SGCG: variants seen among roughly 807,000 people sequenced by gnomAD.
The protein encoded by SGCG is gamma-sarcoglycan.
A neutral mutation model predicts 29.3 loss-of-function variants in SGCG; 26 were observed. The observed-to-expected ratio is 0.89, with a 90% CI of 0.65 to 1.23. The LOEUF (loss-of-function observed/expected upper bound fraction) is 1.23, where lower values mean the gene tolerates loss of function less well. Among genes scored for constraint, SGCG ranks in the 50% most tolerant of loss-of-function variants. SGCG has a pLI of 0.00. For missense variants in SGCG, 353 were observed against 356.0 expected (o/e 0.99, Z 0.07); for synonymous variants, 145 against 129.7 (o/e 1.12, Z -0.80).
intron 4 of SGCG, among the ~76,000 whole-genome samples, chr13:23,278,490 G>A (rs1308094043): frequency 6.6e-6 from 1 of 151,982 alleles, no homozygotes; most frequent in Non-Finnish European, 1.5e-5. Flanking sequence ...ACAAATTGGG[G>A]AACTCCTAAT....
intron 2 of SGCG, among the ~76,000 whole-genome samples, chr13:23,213,740 C>G (rs1878320772): frequency 6.7e-6 from 1 of 150,204 alleles, no homozygotes; most frequent in Non-Finnish European, 1.5e-5. Flanking sequence ...TTTTTAGTGA[C>G]TAGTGCTATA....
intron 2 of SGCG, among the ~76,000 whole-genome samples, chr13:23,231,202 A>C (rs531477783): frequency 6.6e-6 from 1 of 152,202 alleles, no homozygotes; most frequent in African/African-American, 2.4e-5. Flanking sequence ...ATTTTGTTGA[A>C]GATTTTTGCA....
chr13:23,172,459 G>A, the SGCG span, among the ~76,000 whole-genome samples: 1 of 151,910 alleles, frequency 6.6e-6, no homozygotes, highest in Non-Finnish European at 1.5e-5. Context: ...TAGTAATAAC[G>A]ATTTGTGCTG....
intron 3 of SGCG, chr13:23,244,612 T>C (rs1267457687): frequency 6.6e-6 from 1 of 152,174 alleles, no homozygotes. Flanking sequence ...GCACAAGCAC[T>C]GTAAACCCAT....
At chr13:23,181,945 A>T (rs1465401925) in intron 1 of SGCG, among the ~76,000 whole-genome samples, 1 of 152,220 alleles carries the variant, frequency 6.6e-6, no homozygotes, top group South Asian at 2.1e-4. Flanking sequence ...ACAAAAAGGC[A>T]CCTTTGTGGA....
rs553381485 is a variant in SGCG, at chr13:23,320,583, G to A, written c.579-54G>A. 2.1e-5 allele frequency: 30 copies of A among 1,453,048 alleles called. No individual in the cohort carries two copies. In the African/African-American group the frequency reaches 4.0e-4, roughly 19 times the overall value. The allele number at this position is 1,453,048 out of a possible 1,614,324, so 90.0% of individuals were successfully genotyped here. On this transcript the variant is annotated intron_variant, in intron 6 of 7. Coordinates refer to ENST00000218867, the MANE Select transcript of SGCG (RefSeq NM_000231.3). The stretch of plus-strand genomic sequence containing the variant: ...TGCTAAGTTGAGGGATTGCTGGAGT[G>A]GCTATTTTTAATACTTTTTTTTTTT...
chr13:23,218,955 T>A (rs1327497949), intron 2 of SGCG, among the ~76,000 whole-genome samples: 1 of 148,138 alleles, frequency 6.8e-6, no homozygotes, highest in African/African-American at 2.4e-5. Context: ...TTTTGGCTCA[T>A]AATTTTCCCA....
At chr13:23,177,640 C>T (rs774597864), upstream of SGCG, among the ~76,000 whole-genome samples, 2 of 131,996 alleles carry the variant, frequency 1.5e-5, no homozygotes, top group Non-Finnish European at 3.1e-5. Flanking sequence ...GGTGTGATCT[C>T]GGCTCACTGC....
At chr13:23,319,159 A>C (rs924526240) in intron 6 of SGCG, among the ~76,000 whole-genome samples, 2 of 152,108 alleles carry the variant, frequency 1.3e-5, no homozygotes, top group African/African-American at 4.8e-5. Flanking sequence ...TTAGCTGGAC[A>C]CGGTGGCGGG....
rs577449090 is a variant in SGCG, at chr13:23,283,161, C to T, written c.505+3683C>T. Among the ~76,000 whole-genome samples the T allele has an allele frequency of 3.4e-4, 51 of 152,204 alleles. 1 individual carries two copies. In the South Asian group the frequency reaches 9.1e-3, roughly 27 times the overall value. On this transcript the variant is annotated intron_variant, in intron 5 of 7. Coordinates refer to ENST00000218867, the MANE Select transcript of SGCG (RefSeq NM_000231.3). ...CTTGGTCCAGAGCTGAGTTCAAGTC[C>T]TGAATATCCTTGTTAATTTTCTGTC...
At chr13:23,226,435 A>G (rs553831198) in intron 2 of SGCG, among the ~76,000 whole-genome samples, 1 of 151,818 alleles carries the variant, frequency 6.6e-6, no homozygotes, top group Non-Finnish European at 1.5e-5. Flanking sequence ...GAGCAAAAAA[A>G]AAACACTGAT....
intron 6 of SGCG, among the ~76,000 whole-genome samples, chr13:23,314,565 G>A (rs1882738127): frequency 6.6e-6 from 1 of 151,396 alleles, no homozygotes; most frequent in Non-Finnish European, 1.5e-5. Flanking sequence ...TATTAAGGGT[G>A]GAGTTCTTGA....
At chr13:23,167,957 G>A in the SGCG span, among the ~76,000 whole-genome samples, 7 of 152,242 alleles carry the variant, frequency 4.6e-5, no homozygotes, top group African/African-American at 1.7e-4. Flanking sequence ...GTCTGGTCTT[G>A]AACTCTTGAC....
At chr13:23,225,198 A>T (rs1878849782) in intron 2 of SGCG, among the ~76,000 whole-genome samples, 1 of 152,164 alleles carries the variant, frequency 6.6e-6, no homozygotes, top group Admixed American at 6.5e-5. Flanking sequence ...TAACACCCAA[A>T]GTCCACATCC....
intron 5 of SGCG, among the ~76,000 whole-genome samples, chr13:23,295,210 T>C (rs965019804): frequency 3.9e-5 from 6 of 152,252 alleles, no homozygotes; most frequent in Non-Finnish European, 5.9e-5. Context: ...ATATTTTGTT[T>C]ATAGGAACAT....
intron 4 of SGCG, 83 bp from the exon 5 acceptor site, chr13:23,279,276 G>T: frequency 7.8e-7 from 1 of 1,276,446 alleles, no homozygotes. Flanking sequence ...TGGTATTGTA[G>T]GGTTGACGTG....
chr13:23,321,661 A>C (rs1883046283), intron 7 of SGCG, among the ~76,000 whole-genome samples: 1 of 152,216 alleles, frequency 6.6e-6, no homozygotes, highest in Non-Finnish European at 1.5e-5. Context: ...TGGACGGCTC[A>C]AGATTCCATC....
Position 23,185,460 on chromosome 13 carries a change from G to A in SGCG, c.-1+4385G>A, listed in dbSNP as rs531062039. ...TCGCCTTGGCCTCCTAAAGTGCTGGGATTACAGGCGTGAGCCACTGCATCC... is the reference window on the plus strand; with the variant it reads ...TCGCCTTGGCCTCCTAAAGTGCTGGAATTACAGGCGTGAGCCACTGCATCC... On this transcript the variant is annotated intron_variant, in intron 1 of 7. Transcript: ENST00000218867. Among the ~76,000 whole-genome samples the A allele has an allele frequency of 2.6e-3, 391 of 152,320 alleles. 1 individual carries two copies. Among genetic ancestry groups the A allele is most frequent in the African/African-American group, 8.9e-3 (372 of 41,572 alleles).
intron 2 of SGCG, among the ~76,000 whole-genome samples, chr13:23,227,083 A>C (rs1337943825): frequency 2.0e-5 from 3 of 152,146 alleles, no homozygotes; most frequent in Non-Finnish European, 4.4e-5. Context: ...TAATTTTGGC[A>C]TGAATCCCCC....
Sources: gnomAD v4.1 joint callset for allele counts (sites outside exome capture counted in the v4.1 genomes callset) on GRCh38, gnomAD v4.1.1 for gene constraint, MANE v1.5 for transcripts, NCBI Gene and HGNC (gene_info 2026-07-23, HGNC 2026-07-21) for gene names.